The following SCOC variants were observed in gnomAD, a reference collection of about 807,000 sequenced individuals.
SCOC encodes the protein short coiled coil protein.
In SCOC, 7 loss-of-function variants were observed where a neutral mutation model predicts 9.9. That is an observed-to-expected ratio of 0.71 (90% confidence interval 0.40 to 1.33). The LOEUF is 1.33. SCOC is among the 40% of genes most tolerant of loss of function. The probability of loss-of-function intolerance (pLI) is 0.01; values close to 1 mark genes in which losing one functional copy is unlikely to be tolerated. For missense variants in SCOC, 66 were observed against 89.7 expected (o/e 0.74, Z 1.07); for synonymous variants, 19 against 28.2 (o/e 0.67, Z 1.03).
At chr4:140,286,429 C>T (rs1380740103) in intron 1 of SCOC, among the ~76,000 whole-genome samples, 1 of 151,996 alleles carries the variant, frequency 6.6e-6, no homozygotes, top group Admixed American at 6.5e-5. Flanking sequence ...CTTGCGAACC[C>T]CACTGTTGCC....
In SCOC at chr4:140,379,722, A is replaced by G. The variant is rs373878020; in HGVS notation, c.106+70A>G. The stretch of plus-strand genomic sequence containing the variant: ...TGAACTTGTAAAAATTTATATTGCT[A>G]AATTTTGTTTGTTAGGATGTATAAT... On this transcript the variant is annotated intron_variant, in intron 3 of 3. Transcript: ENST00000608372. The G allele has an allele frequency of 1.4e-4, 161 of 1,154,920 alleles. 1 individual carries two copies. In the East Asian group the frequency reaches 1.5e-3, roughly 11 times the overall value. The allele number at this position is 1,154,920 out of a possible 1,614,324, so 71.5% of individuals were successfully genotyped here.
chr4:140,381,288 A>G lies in SCOC; in HGVS notation c.*184A>G, dbSNP rs990329626. The G allele has an allele frequency of 2.2e-5, 11 of 507,460 alleles. No individual in the cohort carries two copies. Among genetic ancestry groups the G allele is most frequent in the African/African-American group, 4.0e-5 (2 of 49,800 alleles). The allele number at this position is 507,460 out of a possible 1,614,324, so 31.4% of individuals were successfully genotyped here. A position where few individuals can be genotyped will look rare whatever the true frequency, so the allele number is the denominator to read the frequency against. On this transcript the variant is annotated 3_prime_UTR_variant, in exon 4 of 4. Transcript: ENST00000608372. ...ATAAGTTTGTGTATTATGTTAGTCT[A>G]TGAAAACGTGCAAATGTATTGTAGA...
chr4:140,295,600 C>T (rs1401738208), intron 1 of SCOC, among the ~76,000 whole-genome samples: 2 of 152,138 alleles, frequency 1.3e-5, no homozygotes, highest in Non-Finnish European at 2.9e-5. Flanking sequence ...GGCTGGGCTC[C>T]GGCTCAGGAC....
chr4:140,357,335 A>C (rs1478562374), intron 2 of SCOC, among the ~76,000 whole-genome samples: 1 of 152,188 alleles, frequency 6.6e-6, no homozygotes, highest in Non-Finnish European at 1.5e-5. Flanking sequence ...GCCTTGAATT[A>C]TTCAAATTTA....
intron 1 of SCOC, among the ~76,000 whole-genome samples, chr4:140,261,197 G>C (rs1459505647): frequency 1.3e-5 from 2 of 152,152 alleles, no homozygotes; most frequent in Non-Finnish European, 2.9e-5. Flanking sequence ...TATGTTTGTG[G>C]CAGTCCAGCA....
At chr4:140,314,329 C>A in intron 1 of SCOC, 1 of 154,922 alleles carries the variant, frequency 6.5e-6, no homozygotes, top group Non-Finnish European at 1.4e-5. Context: ...GGGATAGACA[C>A]TTGCTGATCT....
At chr4:140,284,307 A>T (rs1415212693) in intron 1 of SCOC, 1 of 152,076 alleles carries the variant, frequency 6.6e-6, no homozygotes, top group Non-Finnish European at 1.5e-5. Flanking sequence ...CTTTACTTGC[A>T]TTCATAGGAA....
chr4:140,333,901 C>T (rs933314216), intron 1 of SCOC, among the ~76,000 whole-genome samples: 1 of 152,064 alleles, frequency 6.6e-6, no homozygotes, highest in Non-Finnish European at 1.5e-5. Context: ...CCAATTGCTG[C>T]CATATTCTCT....
At chr4:140,354,329 T>C (rs1727111887) in intron 2 of SCOC, among the ~76,000 whole-genome samples, 1 of 152,168 alleles carries the variant, frequency 6.6e-6, no homozygotes, top group African/African-American at 2.4e-5. Flanking sequence ...CCCTTTGCCA[T>C]ACTGTAAAAA....
chr4:140,296,875 T>C (rs1246849436), intron 1 of SCOC, among the ~76,000 whole-genome samples: 1 of 152,226 alleles, frequency 6.6e-6, no homozygotes, highest in Non-Finnish European at 1.5e-5. Context: ...TGAGTGACTC[T>C]CCTCCTGTCA....
intron 1 of SCOC, among the ~76,000 whole-genome samples, chr4:140,335,687 T>C (rs527645492): frequency 1.3e-5 from 2 of 152,290 alleles, no homozygotes; most frequent in South Asian, 4.1e-4. Context: ...GATATTTCCC[T>C]GGTTATTGTT....
chr4:140,325,288 A>G (rs1373338571), intron 1 of SCOC, among the ~76,000 whole-genome samples: 1 of 152,180 alleles, frequency 6.6e-6, no homozygotes, highest in Non-Finnish European at 1.5e-5. Flanking sequence ...AGCACAATCC[A>G]TAAAAGAAAA....
intron 1 of SCOC, among the ~76,000 whole-genome samples, chr4:140,312,635 T>C (rs1732190862): frequency 6.6e-6 from 1 of 152,222 alleles, no homozygotes; most frequent in South Asian, 2.1e-4. Flanking sequence ...CTTGGCATGT[T>C]GCACAAGCTG....
intron 2 of SCOC, among the ~76,000 whole-genome samples, chr4:140,346,470 C>T (rs1046107139): frequency 1.3e-5 from 2 of 152,134 alleles, no homozygotes; most frequent in Admixed American, 1.3e-4. Context: ...CCATCGCCTC[C>T]CCCTTATACT....
intron 1 of SCOC, among the ~76,000 whole-genome samples, chr4:140,321,348 A>C (rs1732494809): frequency 6.6e-6 from 1 of 152,214 alleles, no homozygotes; most frequent in Admixed American, 6.5e-5. Flanking sequence ...TTCCCAAAGT[A>C]ATCAACAGAA....
intron 3 of SCOC, among the ~76,000 whole-genome samples, chr4:140,380,258 C>T (rs1169341160): frequency 1.2e-4 from 16 of 136,724 alleles, no homozygotes; most frequent in African/African-American, 2.5e-4. Flanking sequence ...AGTGCAATGG[C>T]GCAACCTCGG....
At position 140,315,557 on chromosome 4, in the gene SCOC, T is replaced by C. The variant is rs554965837; in HGVS notation, c.-18-28064T>C. On this transcript the variant is annotated intron_variant, in intron 1 of 4. Transcript: ENST00000394205. ...CATCTCATCCAATTTCTTGACAGGA[T>C]ATTTCTGTTCCCAGTGATTTATTCT... Among the ~76,000 whole-genome samples the C allele has an allele frequency of 2.6e-5, 4 of 152,314 alleles. No individual in the cohort carries two copies. The South Asian group carries it at 8.3e-4, about 32-fold the overall frequency.
chr4:140,258,088 C>T (rs528969896), intron 1 of SCOC, among the ~76,000 whole-genome samples: 25 of 152,212 alleles, frequency 1.6e-4, no homozygotes, highest in Non-Finnish European at 2.6e-4. Context: ...GCCACACCTG[C>T]ACAGCATAGT....
chr4:140,360,140 C>G (rs1357739952), intron 2 of SCOC, among the ~76,000 whole-genome samples: 1 of 152,012 alleles, frequency 6.6e-6, no homozygotes, highest in Non-Finnish European at 1.5e-5. Flanking sequence ...TGAACAGACA[C>G]AAATCATTGT....
Sources: allele counts gnomAD v4.1 joint callset (sites outside exome capture counted in the v4.1 genomes callset), GRCh38; gene constraint gnomAD v4.1.1; transcripts MANE v1.5; gene names NCBI Gene and HGNC (gene_info 2026-07-23, HGNC 2026-07-21).